FCSK: variants seen among roughly 807,000 people sequenced by gnomAD.
FCSK encodes the protein L-fucose kinase.
In FCSK, 123 loss-of-function variants were observed where a neutral mutation model predicts 122.5. The observed-to-expected ratio is 1.00, with a 90% CI of 0.87 to 1.17. The LOEUF (loss-of-function observed/expected upper bound fraction) is 1.17, where lower values mean the gene tolerates loss of function less well. Ranked by LOEUF, FCSK falls within the 50% of genes most tolerant of loss-of-function variation. FCSK has a pLI of 0.00. For synonymous variants in FCSK, 620 were observed against 625.5 expected, an observed-to-expected ratio of 0.99 and a Z score of 0.13; for missense variants, 1,366 against 1,450.4, an observed-to-expected ratio of 0.94 and a Z score of 0.95.
In FCSK at chr16:70,470,399, G is replaced by A. The variant is rs1567703400; in HGVS notation, c.1041G>A (p.Gly347=). Residue 347 remains glycine, a synonymous_variant, in exon 11 of 24, where the codon GGG becomes GGA. Coordinates refer to ENST00000288078, the MANE Select transcript of FCSK (RefSeq NM_145059.3). Reference sequence around the variant, plus strand: ...GCCTCACACTCCCCGGGGCTCCTGGGGCCCAGATTGTGCACTCCCAGGTGG... The same window carrying A: ...GCCTCACACTCCCCGGGGCTCCTGGAGCCCAGATTGTGCACTCCCAGGTGG... ...LLSLTLPGAP[G]AQIVHSQVEE... 1 of 1,612,872 alleles carries A rather than the reference G, an allele frequency of 6.2e-7. No homozygotes were observed. The highest frequency in any genetic ancestry group is 8.5e-7 in the Non-Finnish European group (1 of 1,179,526).
At chr16:70,463,992 A>G (rs1045659707) in intron 3 of FCSK, among the ~76,000 whole-genome samples, 1 of 148,174 alleles carries the variant, frequency 6.7e-6, no homozygotes, top group African/African-American at 2.7e-5. Flanking sequence ...GTTGTAGCCA[A>G]TATCTCAAAG....
rs138553644 is a variant in FCSK, at chr16:70,479,875, A to G, written c.*195A>G. 1.5e-5 allele frequency: 8 copies of G among 542,312 alleles called. No homozygotes were observed. The highest frequency in any genetic ancestry group is 4.9e-4 in the Middle Eastern group (1 of 2,052). 33.6% of individuals were successfully genotyped at this position (542,312 alleles called of 1,614,324 possible). ...TGTGACCTGGTGGACAGGGGCCTAGATGTAGCCTCTGTTCCTCCTGGACAT... is the reference window on the plus strand; with the variant it reads ...TGTGACCTGGTGGACAGGGGCCTAGGTGTAGCCTCTGTTCCTCCTGGACAT... On this transcript the variant is annotated 3_prime_UTR_variant, in exon 24 of 24. Coordinates refer to ENST00000288078, the MANE Select transcript of FCSK (RefSeq NM_145059.3).
intron 20 of FCSK, chr16:70,476,385 G>C (rs1011187558): frequency 2.0e-5 from 3 of 153,074 alleles, no homozygotes; most frequent in East Asian, 1.9e-4. Flanking sequence ...GGGTAGGGCT[G>C]GGCAGAGCTG....
intron 14 of FCSK, 69 bp downstream of exon 14, chr16:70,472,674 G>A (rs1162924912): frequency 7.8e-7 from 1 of 1,277,758 alleles, no homozygotes; most frequent in Non-Finnish European, 1.1e-6. Flanking sequence ...TTTGAGGTGT[G>A]TCCCTCCCCT....
Position 70,467,398 on chromosome 16 carries a change from G to A in FCSK, c.509G>A (p.Gly170Glu). The change falls in exon 7 of 24, where the codon GGA becomes GAA. Residue 170 changes from glycine (G) to glutamate (E), a missense_variant. Coordinates refer to ENST00000288078, the MANE Select transcript of FCSK (RefSeq NM_145059.3). ...GGTATCAGCTGGGACAGCTTCCGGG[G>A]AGCCAGAGTGATCGCCCTCCCAGGG... ...NPGISWDSFRGARVIALPGSP... is the reference protein window; with the variant it reads ...NPGISWDSFREARVIALPGSP... The A allele has an allele frequency of 3.1e-6, 5 of 1,610,472 alleles. No homozygotes were observed. Among genetic ancestry groups the A allele is most frequent in the Non-Finnish European group, 2.5e-6 (3 of 1,178,806 alleles).
intron 13 of FCSK, 44 bp downstream of exon 13, chr16:70,471,396 TG>T (rs2048615247): frequency 6.6e-7 from 1 of 1,506,840 alleles, no homozygotes. Flanking sequence ...CTTCAGGCTT[TG>T]GGGAGCCCAA....
chr16:70,466,064 T>C, intron 4 of FCSK, 68 bp from the exon 5 acceptor site: 1 of 1,556,930 alleles, frequency 6.4e-7, no homozygotes, highest in Non-Finnish European at 8.8e-7. Context: ...GCTTTCTGCC[T>C]GCACAGCTGA....
rs2048610153 is a variant in FCSK at position 70,471,304 on chromosome 16, C to T, written c.1293C>T (p.Gly431=). 1 of 1,602,588 alleles carries T rather than the reference C, an allele frequency of 6.2e-7. No homozygotes were observed. Among genetic ancestry groups the T allele is most frequent in the Non-Finnish European group, 8.5e-7 (1 of 1,175,168 alleles). The change falls in exon 13 of 24, where the codon GGC becomes GGT. Residue 431 remains glycine, a synonymous_variant. Coordinates refer to ENST00000288078, the MANE Select transcript of FCSK (RefSeq NM_145059.3). ...VLQGHHTRLH[G]SPGHAFTLVG... Reference sequence around the variant, plus strand: ...AGGGACACCACACGCGGCTACACGGCTCCCCGGGCCACGCCTTCACCCTCG... The same window carrying T: ...AGGGACACCACACGCGGCTACACGGTTCCCCGGGCCACGCCTTCACCCTCG...
intron 3 of FCSK, 81 bp downstream of exon 3, chr16:70,463,855 C>A: frequency 1.4e-6 from 2 of 1,434,928 alleles, no homozygotes; most frequent in Non-Finnish European, 9.4e-7. Flanking sequence ...GCTCCTCTGG[C>A]TCCATCGCCT....
intron 6 of FCSK, chr16:70,467,164 T>C: frequency 1.6e-6 from 1 of 634,170 alleles, no homozygotes; most frequent in Non-Finnish European, 2.8e-6. Context: ...GAAGCAGCCC[T>C]GCCCCTTCTG....
chr16:70,454,705 T>G (rs1213470381), intron 1 of FCSK, 75 bp downstream of exon 1: 1 of 144,694 alleles, frequency 6.9e-6, no homozygotes, highest in African/African-American at 2.6e-5. Flanking sequence ...AGCTTTCCGG[T>G]GCACCCTCCC....
rs1360754263 is a variant in FCSK, at chr16:70,479,722, G to T, written c.*42G>T. 6.6e-7 allele frequency: 1 copy of T among 1,521,624 alleles called. No homozygotes were observed. Among genetic ancestry groups the T allele is most frequent in the East Asian group, 2.3e-5 (1 of 44,174 alleles). The allele number at this position is 1,521,624 out of a possible 1,614,324, so 94.3% of individuals were successfully genotyped here. ...CAACAGGAGAAAACCTGGAGCTACA[G>T]TGTCCCCCACCTTCCTTGCCCCATG... On this transcript the variant is annotated 3_prime_UTR_variant, in exon 24 of 24. Transcript: ENST00000288078.
In FCSK at chr16:70,479,305, C is replaced by T; in HGVS notation, c.3055C>T (p.Gln1019Ter). ...MDVLAPHVHGQSLAGAGGGGF... is the reference protein window; with the variant it reads ...MDVLAPHVHG ...TGTCCTGGCCCCCCACGTGCATGGC[C>T]AGAGCCTGGCTGGGGCAGGCGGTGG... The change falls in exon 23 of 24, where the codon CAG becomes TAG. Residue 1019 changes from glutamine to a stop codon, truncating the protein, a stop_gained. Transcript: ENST00000288078. LOFTEE classifies it high-confidence loss of function. 1.2e-6 allele frequency: 2 copies of T among 1,614,076 alleles called. No individual in the cohort carries two copies. Among genetic ancestry groups the T allele is most frequent in the Non-Finnish European group, 1.7e-6 (2 of 1,180,040 alleles).
rs76424632 is a variant in FCSK at position 70,457,264 on chromosome 16, T to C, written c.-23+2634T>C. 5.7e-4 allele frequency among the ~76,000 whole-genome samples: 87 copies of C among 151,956 alleles called. No homozygotes were observed. The East Asian group carries it at 0.016, about 28-fold the overall frequency. ...GCCATTGGACTCTCTGGGGCATTTC[T>C]TTTTTTTCTTGAGACAGAGTCGCTC... On this transcript the variant is annotated intron_variant, in intron 1 of 23. Transcript: ENST00000288078.
chr16:70,461,865 C>T (rs961752976), intron 1 of FCSK, among the ~76,000 whole-genome samples: 12 of 152,234 alleles, frequency 7.9e-5, no homozygotes, highest in African/African-American at 2.2e-4. Context: ...CCCAGCCATC[C>T]GCCTTGGTGT....
chr16:70,455,596 A>G (rs994521314), intron 1 of FCSK, among the ~76,000 whole-genome samples: 1 of 129,674 alleles, frequency 7.7e-6, no homozygotes, highest in African/African-American at 3.5e-5. Context: ...ACTATTAATT[A>G]AAAAAAAAAA....
intron 20 of FCSK, among the ~76,000 whole-genome samples, chr16:70,476,668 C>G (rs1567713332): frequency 6.6e-6 from 1 of 152,166 alleles, no homozygotes; most frequent in Non-Finnish European, 1.5e-5. Flanking sequence ...AAAGAAACTG[C>G]TGCAAAGGCC....
At chr16:70,463,506 C>T (rs1027702708) in intron 2 of FCSK, 117 bp from the exon 3 acceptor site, 2 of 1,367,818 alleles carry the variant, frequency 1.5e-6, no homozygotes, top group African/African-American at 2.9e-5. Flanking sequence ...TAGTGGCCTC[C>T]TACATGGAAA....
rs752486100 is a variant in FCSK, at chr16:70,478,777, C to T, written c.2929+127C>T. 563 of 792,572 alleles carry T rather than the reference C, an allele frequency of 7.1e-4. 6 individuals are homozygous for T. The highest frequency in any genetic ancestry group is 5.4e-3 in the South Asian group (373 of 68,958). 49.1% of individuals were successfully genotyped at this position (792,572 alleles called of 1,614,324 possible). On this transcript the variant is annotated intron_variant, in intron 22 of 23. Transcript: ENST00000288078. ...ATATTCGGCCTCTGGGAACAGAAGC[C>T]TACTGTCTGTCCTCTCCAGGGTCTC...
Sources: allele counts gnomAD v4.1 joint callset (sites outside exome capture counted in the v4.1 genomes callset), GRCh38; gene constraint gnomAD v4.1.1; transcripts MANE v1.5; gene names NCBI Gene and HGNC (gene_info 2026-07-23, HGNC 2026-07-21).